Variants in PDE3B observed in about 807,000 individuals in gnomAD.
The protein encoded by PDE3B is phosphodiesterase 3B, also known as cGMP-inhibited 3',5'-cyclic phosphodiesterase 3B.
PDE3B carries 66 observed loss-of-function variants against 116.8 expected under a neutral mutation model. The ratio of observed to expected loss-of-function variants is 0.56; its 90% confidence interval spans 0.46 to 0.69. The LOEUF (loss-of-function observed/expected upper bound fraction) is 0.69, where lower values mean the gene tolerates loss of function less well. Ranked by LOEUF, PDE3B falls within the 30% of genes least tolerant of loss-of-function variation. The probability of loss-of-function intolerance (pLI) is 0.00; values close to 1 mark genes in which losing one functional copy is unlikely to be tolerated. For missense variants in PDE3B, 1,384 were observed against 1,368.1 expected, an observed-to-expected ratio of 1.01 and a Z score of -0.18; for synonymous variants, 595 against 533.6, an observed-to-expected ratio of 1.12 and a Z score of -1.59.
chr11:14,853,436 C>T (rs1565165925), intron 12 of PDE3B, among the ~76,000 whole-genome samples: 3 of 152,008 alleles, frequency 2.0e-5, no homozygotes, highest in Non-Finnish European at 2.9e-5. Context: ...TGTAGTACTC[C>T]TAGGTTTTCT....
At chr11:14,848,690 C>G (rs1462846186) in intron 12 of PDE3B, among the ~76,000 whole-genome samples, 3 of 152,098 alleles carry the variant, frequency 2.0e-5, no homozygotes, top group Non-Finnish European at 4.4e-5. Context: ...TCTTATACAC[C>G]AATAACAGAC....
chr11:14,878,125 G>C, the PDE3B span: 3 of 1,612,930 alleles, frequency 1.9e-6, no homozygotes, highest in Non-Finnish European at 2.5e-6. Context: ...GGCAGTTTCA[G>C]CGTCTTTCAG....
chr11:14,663,726 T>G (rs1224816436), intron 1 of PDE3B, among the ~76,000 whole-genome samples: 1 of 152,198 alleles, frequency 6.6e-6, no homozygotes, highest in Non-Finnish European at 1.5e-5. Flanking sequence ...CTAACTATCC[T>G]AAATATATAT....
chr11:14,855,705 CAG>C (rs1472758003), intron 12 of PDE3B, among the ~76,000 whole-genome samples: 5 of 151,596 alleles, frequency 3.3e-5, no homozygotes, highest in Non-Finnish European at 5.9e-5. Context: ...GAGAGACAGA[CAG>C]AGAGAGAAAG....
chr11:14,803,984 C>T lies in PDE3B; in HGVS notation c.1456C>T (p.Leu486=). ...YLNGPFNSNL[L]TIPKQRSSSV... is the part of the protein sequence containing the mutation. The stretch of plus-strand genomic sequence containing the variant: ...AAATGGGCCTTTTAATTCAAATCTA[C>T]TGACTATCCCGAAGCAAAGGTCATC... Residue 486 remains leucine, a synonymous_variant, in exon 5 of 16, where the codon CTG becomes TTG. Transcript: ENST00000282096. 3.7e-6 allele frequency: 6 copies of T among 1,611,134 alleles called. No individual in the cohort carries two copies. The highest frequency in any genetic ancestry group is 2.5e-6 in the Non-Finnish European group (3 of 1,177,300).
At position 14,831,582 on chromosome 11, in the gene PDE3B, T is replaced by C. The variant is rs543546624; in HGVS notation, c.1957-58T>C. On this transcript the variant is annotated intron_variant, in intron 8 of 15. Transcript: ENST00000282096. ...AATCCTAAGTGTTCTCATTGTAATA[T>C]ATATTTTACAGTATTTATAAAAGAT... is the stretch of plus-strand genomic sequence containing the variant. The C allele has an allele frequency of 5.7e-6, 6 of 1,057,850 alleles. No homozygotes were observed. The African/African-American group carries it at 1.0e-4, about 18-fold the overall frequency. The allele number at this position is 1,057,850 out of a possible 1,614,324, so 65.5% of individuals were successfully genotyped here. A position where few individuals can be genotyped will look rare whatever the true frequency, so the allele number is the denominator to read the frequency against.
chr11:14,702,898 G>A (rs915271159), intron 1 of PDE3B, among the ~76,000 whole-genome samples: 1 of 151,840 alleles, frequency 6.6e-6, no homozygotes, highest in African/African-American at 2.4e-5. Flanking sequence ...GTTGCTCCTA[G>A]AGTTACTGAC....
chr11:14,669,920 G>T (rs1854315153), intron 1 of PDE3B, among the ~76,000 whole-genome samples: 1 of 152,102 alleles, frequency 6.6e-6, no homozygotes, highest in Non-Finnish European at 1.5e-5. Flanking sequence ...GCATAGGTTA[G>T]TATTTGTAGA....
intron 5 of PDE3B, among the ~76,000 whole-genome samples, chr11:14,814,814 T>G (rs1328900410): frequency 6.6e-6 from 1 of 151,938 alleles, no homozygotes; most frequent in East Asian, 1.9e-4. Context: ...ACAAAAAAAT[T>G]AGCTGGGCGT....
chr11:14,696,342 G>A (rs1443399856), intron 1 of PDE3B, among the ~76,000 whole-genome samples: 1 of 151,960 alleles, frequency 6.6e-6, no homozygotes, highest in Non-Finnish European at 1.5e-5. Context: ...CCTTTGTAGG[G>A]TAGGTATACG....
chr11:14,838,549 C>G (rs1340764298), intron 11 of PDE3B, among the ~76,000 whole-genome samples: 1 of 152,160 alleles, frequency 6.6e-6, no homozygotes, highest in African/African-American at 2.4e-5. Context: ...GTGTTGATTG[C>G]CTGAAAACCC....
At chr11:14,888,638 T>C in the PDE3B span, among the ~76,000 whole-genome samples, 1 of 152,150 alleles carries the variant, frequency 6.6e-6, no homozygotes, top group Non-Finnish European at 1.5e-5. Flanking sequence ...ATGGCACTTA[T>C]TTAACACTAT....
rs1165167405 is a variant in PDE3B, at chr11:14,847,589, G to A, written c.2520+3563G>A. Among the ~76,000 whole-genome samples, 240 of 151,910 alleles carry A rather than the reference G, an allele frequency of 1.6e-3. 1 individual carries two copies. Among genetic ancestry groups the A allele is most frequent in the Non-Finnish European group, 2.8e-3 (187 of 67,988 alleles). On this transcript the variant is annotated intron_variant, in intron 12 of 15. Coordinates refer to ENST00000282096, the MANE Select transcript of PDE3B (RefSeq NM_000922.4). Reference sequence around the variant, plus strand: ...AAAGGATCAACAAAATTGATAGACCGCTAGCAAGACTAATAAAGAAAAGAG... The same window carrying A: ...AAAGGATCAACAAAATTGATAGACCACTAGCAAGACTAATAAAGAAAAGAG...
intron 1 of PDE3B, among the ~76,000 whole-genome samples, chr11:14,679,561 G>A (rs1311769495): frequency 1.3e-5 from 2 of 151,914 alleles, no homozygotes; most frequent in African/African-American, 4.8e-5. Flanking sequence ...GCTCCACGCA[G>A]TGGAATCTCT....
intron 3 of PDE3B, among the ~76,000 whole-genome samples, chr11:14,786,920 C>A (rs916302822): frequency 2.0e-5 from 3 of 151,880 alleles, no homozygotes; most frequent in Non-Finnish European, 2.9e-5. Context: ...TATTATTATT[C>A]TTGTTAAGAA....
At chr11:14,762,487 C>T (rs1221485032) in intron 1 of PDE3B, among the ~76,000 whole-genome samples, 1 of 152,034 alleles carries the variant, frequency 6.6e-6, no homozygotes, top group Non-Finnish European at 1.5e-5. Context: ...GTAAATAAAC[C>T]AACTTAGCTG....
chr11:14,746,536 T>C (rs968351055), intron 1 of PDE3B, among the ~76,000 whole-genome samples: 1 of 152,240 alleles, frequency 6.6e-6, no homozygotes, highest in Non-Finnish European at 1.5e-5. Flanking sequence ...TCTGAAGGGA[T>C]GTCTTAGTTG....
At chr11:14,777,986 C>A (rs141137047) in intron 2 of PDE3B, among the ~76,000 whole-genome samples, 2,400 of 152,280 alleles carry the variant, frequency 0.016, 56 homozygotes, top group African/African-American at 0.055. Context: ...GCTTTTCCAA[C>A]GGTCTTAGCA....
intron 1 of PDE3B, among the ~76,000 whole-genome samples, chr11:14,664,897 A>C (rs1324137625): frequency 1.3e-5 from 2 of 152,308 alleles, no homozygotes; most frequent in Non-Finnish European, 2.9e-5. Flanking sequence ...AAAAGAGGGA[A>C]TCCTCCCTAA....
Sources: allele counts gnomAD v4.1 joint callset (sites outside exome capture counted in the v4.1 genomes callset), GRCh38; gene constraint gnomAD v4.1.1; transcripts MANE v1.5; gene names NCBI Gene and HGNC (gene_info 2026-07-23, HGNC 2026-07-21).